The following SEMA4G variants were observed in gnomAD, a reference collection of about 807,000 sequenced individuals.
The protein encoded by SEMA4G is semaphorin-4G.
In SEMA4G, 59 loss-of-function variants were observed where a neutral mutation model predicts 81.2. That is an observed-to-expected ratio of 0.73 (90% CI 0.59 to 0.90). The LOEUF (loss-of-function observed/expected upper bound fraction) is 0.90, where lower values mean the gene tolerates loss of function less well. SEMA4G is among the 40% of genes least tolerant of loss of function. The pLI is 0.00. For missense variants in SEMA4G, 952 were observed against 1,102.3 expected, an observed-to-expected ratio of 0.86 and a Z score of 1.93; for synonymous variants, 404 against 433.9, an observed-to-expected ratio of 0.93 and a Z score of 0.86.
intron 3 of SEMA4G, chr10:100,975,168 G>A (rs1391353040): frequency 7.2e-6 from 3 of 416,578 alleles, no homozygotes; most frequent in Admixed American, 7.0e-5. Context: ...TTCTGTGACA[G>A]TGAACACCCT....
At chr10:100,969,720 C>A (rs895017755), upstream of SEMA4G, 2 of 383,278 alleles carry the variant, frequency 5.2e-6, no homozygotes, top group Admixed American at 5.4e-5. Context: ...ACCACCAAGT[C>A]CCCCGGTCCT....
At chr10:100,984,347 G>A (rs1331866472) in exon 14 of SEMA4G, 4 of 1,441,514 alleles carry the variant, frequency 2.8e-6, no homozygotes, top group Non-Finnish European at 3.6e-6. Flanking sequence ...GCCCATCGGT[G>A]CTCCTCAGAG....
At chr10:100,982,922 T>C (rs1429688942) in intron 13 of SEMA4G, among the ~76,000 whole-genome samples, 1 of 152,128 alleles carries the variant, frequency 6.6e-6, no homozygotes, top group African/African-American at 2.4e-5. Flanking sequence ...CTTGGTGTCG[T>C]TGGGGAGAAA....
chr10:100,982,014 C>A (rs1252773667), intron 13 of SEMA4G, among the ~76,000 whole-genome samples: 1 of 146,684 alleles, frequency 6.8e-6, no homozygotes, highest in African/African-American at 2.5e-5. Flanking sequence ...GCCAAGATCA[C>A]ACCATTGCAC....
rs1056293944 is a variant in SEMA4G, at chr10:100,973,607, C to T, written c.334C>T (p.Gln112Ter). 6.2e-7 allele frequency: 1 copy of T among 1,614,040 alleles called. No homozygotes were observed. The highest frequency in any genetic ancestry group is 8.5e-7 in the Non-Finnish European group (1 of 1,179,944). The change falls in exon 3 of 14, where the codon CAG becomes TAG. Residue 112 changes from glutamine to a stop codon, truncating the protein, a stop_gained and splice_region_variant. Transcript: ENST00000370250. LOFTEE classifies it high-confidence loss of function. The surrounding 1 kb of genome is among the most constrained non-coding windows in gnomAD (Gnocchi z 5.5). Reference sequence around the variant, plus strand: ...ATGTCATCAAAAAGGGAAAAACAACCAGGTATGTGGTCTGCCCTGTCCCCA... The same window carrying T: ...ATGTCATCAAAAAGGGAAAAACAACTAGGTATGTGGTCTGCCCTGTCCCCA...
chr10:100,970,390 T>G (rs373497312), upstream of SEMA4G, among the ~76,000 whole-genome samples: 94 of 150,580 alleles, frequency 6.2e-4, no homozygotes, highest in East Asian at 0.017. Context: ...TACATAGGGG[T>G]GGAGGAGTAC....
chr10:100,969,702 C>T (rs1850574136), upstream of SEMA4G: 1 of 374,916 alleles, frequency 2.7e-6, no homozygotes, highest in Admixed American at 2.9e-5. Context: ...CTGGGCCAGG[C>T]CTTTCTCACC....
At chr10:100,984,127 T>C in exon 14 of SEMA4G, 1 of 1,606,736 alleles carries the variant, frequency 6.2e-7, no homozygotes, top group Non-Finnish European at 8.5e-7. Flanking sequence ...GAGAGCTCTG[T>C]CTGAGCCCAG....
At chr10:100,979,392 T>G (rs1440877035) in intron 8 of SEMA4G, 121 bp downstream of exon 9, 2 of 1,589,514 alleles carry the variant, frequency 1.3e-6, no homozygotes, top group South Asian at 1.1e-5. Context: ...GAGAATTTTT[T>G]TTTTTTTTTA....
chr10:100,969,995 G>C (rs977715685), upstream of SEMA4G: 1 of 426,876 alleles, frequency 2.3e-6, no homozygotes, highest in African/African-American at 2.0e-5. Flanking sequence ...CGGGGGAGGG[G>C]CTCTCTCAAG....
In SEMA4G at chr10:100,973,731, T is replaced by A; in HGVS notation, c.336+122T>A. On this transcript the variant is annotated intron_variant, in intron 3 of 13. Coordinates refer to ENST00000370250, the Ensembl canonical transcript of SEMA4G. This position sits in a 1 kb window ranked among gnomAD's most constrained non-coding sequence, Gnocchi z 5.5. ...TGCCAGTCAATCTCAGCAACCACAG[T>A]AAACATTGTAAGTATTGCCAGAGTG... The A allele has an allele frequency of 1.2e-6, 1 of 865,804 alleles. No individual in the cohort carries two copies. Among genetic ancestry groups the A allele is most frequent in the Non-Finnish European group, 1.8e-6 (1 of 554,216 alleles). The allele number at this position is 865,804 out of a possible 1,614,324, so 53.6% of individuals were successfully genotyped here. A position where few individuals can be genotyped will look rare whatever the true frequency, so the allele number is the denominator to read the frequency against.
exon 8 of SEMA4G, chr10:100,979,238 A>G: frequency 1.2e-6 from 2 of 1,614,164 alleles, no homozygotes; most frequent in Non-Finnish European, 1.7e-6. Context: ...AGCCGTACAC[A>G]CTTCTATGCA....
intron 3 of SEMA4G, among the ~76,000 whole-genome samples, chr10:100,975,910 A>G (rs186647573): frequency 2.4e-4 from 36 of 152,268 alleles, no homozygotes; most frequent in Non-Finnish European, 2.9e-5. Context: ...AAAAAATAAA[A>G]TTAAAAAAAT....
At chr10:100,985,020 T>C, downstream of SEMA4G, 2 of 1,102,502 alleles carry the variant, frequency 1.8e-6, no homozygotes, top group Non-Finnish European at 2.5e-6. Flanking sequence ...ACCTGTCTGT[T>C]GGGTTTAGTC....
intron 3 of SEMA4G, among the ~76,000 whole-genome samples, chr10:100,975,631 G>A (rs1286158647): frequency 1.3e-5 from 2 of 152,198 alleles, no homozygotes; most frequent in African/African-American, 4.8e-5. Context: ...GCCGAGGCGG[G>A]TGGATCATGA....
exon 14 of SEMA4G, chr10:100,984,115 A>G (rs1222819487): frequency 6.2e-7 from 1 of 1,611,170 alleles, no homozygotes; most frequent in East Asian, 2.2e-5. Context: ...GAGCAGCTAG[A>G]TGAGAGCTCT....
chr10:100,979,950 G>GTATT lies in SEMA4G; in HGVS notation c.1086_1087insTATT (p.Gly363TyrfsTer5). ...AATACCAGGATGGTTCCCGGCGCTG[G>GTATT]GGTCGCTATGAGGGTGGGGTGCCTG... On this transcript the variant is annotated frameshift_variant, in exon 9 of 14. Transcript: ENST00000370250. LOFTEE classifies it high-confidence loss of function. The GTATT allele has an allele frequency of 6.2e-7, 1 of 1,614,080 alleles. No homozygotes were observed. The highest frequency in any genetic ancestry group is 8.5e-7 in the Non-Finnish European group (1 of 1,180,008).
intron 8 of SEMA4G, chr10:100,979,523 T>A: frequency 1.0e-6 from 1 of 990,602 alleles, no homozygotes; most frequent in Non-Finnish European, 1.4e-6. Context: ...GCTGGGACTA[T>A]AGGCGTGTGC....
chr10:100,981,569 T>C, intron 13 of SEMA4G: 3 of 1,613,130 alleles, frequency 1.9e-6, no homozygotes, highest in Non-Finnish European at 2.5e-6. Flanking sequence ...AAGTTAATCA[T>C]CACAGCTAAG....
Sources: allele counts gnomAD v4.1 joint callset (sites outside exome capture counted in the v4.1 genomes callset), GRCh38; gene constraint gnomAD v4.1.1; non-coding constraint Gnocchi (gnomAD v3.1); transcripts MANE v1.5; gene names NCBI Gene and HGNC (gene_info 2026-07-23, HGNC 2026-07-21).